NISCH: variants seen among roughly 807,000 people sequenced by gnomAD.
NISCH encodes I-1 receptor candidate protein.
In NISCH, 55 loss-of-function variants were observed where a neutral mutation model predicts 138.4. That is an observed-to-expected ratio of 0.40 (90% CI 0.32 to 0.50). The LOEUF is 0.50. Among genes scored for constraint, NISCH ranks in the 20% least tolerant of loss-of-function variants. The probability of loss-of-function intolerance (pLI) is 0.71; values close to 1 mark genes in which losing one functional copy is unlikely to be tolerated. For missense variants in NISCH, 1,643 were observed against 2,005.5 expected, an observed-to-expected ratio of 0.82 and a Z score of 3.45; for synonymous variants, 860 against 861.5, an observed-to-expected ratio of 1.00 and a Z score of 0.03.
rs368842942 is a variant in NISCH at position 52,488,089 on chromosome 3, G to A, written c.2597G>A (p.Arg866His). 9 of 1,612,720 alleles carry A rather than the reference G, an allele frequency of 5.6e-6. No homozygotes were observed. Among genetic ancestry groups the A allele is most frequent in the African/African-American group, 2.7e-5 (2 of 74,912 alleles). Residue 866 changes from arginine to histidine, a missense_variant, in exon 16 of 21, where the codon CGC becomes CAC. By Grantham distance (29) the Arg-to-His change is conservative. Coordinates refer to ENST00000345716, the MANE Select transcript of NISCH (RefSeq NM_007184.4). ...FPVYLVYSDK[R>H]MVQTAAGDYS... ...GTCTACCTGGTCTACAGTGACAAGCGCATGGTGCAGACGGCCGCCGGGGAC... is the reference window on the plus strand; with the variant it reads ...GTCTACCTGGTCTACAGTGACAAGCACATGGTGCAGACGGCCGCCGGGGAC...
At chr3:52,482,346 G>A (rs543422468) in intron 13 of NISCH, among the ~76,000 whole-genome samples, 8 of 152,328 alleles carry the variant, frequency 5.3e-5, no homozygotes, top group East Asian at 3.9e-4. Context: ...CCAGCCTCCC[G>A]TCGTGGCAGG....
At chr3:52,472,239 G>A in intron 5 of NISCH, 64 bp from the exon 6 acceptor site, 17 of 1,447,922 alleles carry the variant, frequency 1.2e-5, no homozygotes, top group Non-Finnish European at 1.6e-5. Context: ...CTTGTCAGCT[G>A]CTGCAGCACT....
intron 13 of NISCH, 51 bp from the exon 14 acceptor site, chr3:52,484,462 T>TTGCGG: frequency 1.3e-6 from 1 of 788,670 alleles, no homozygotes; most frequent in Non-Finnish European, 1.8e-6. Flanking sequence ...ACAGCCGCTC[T>TTGCGG]CCCCGCCCCA....
At chr3:52,474,275 C>T (rs574678216) in intron 7 of NISCH, among the ~76,000 whole-genome samples, 23 of 150,740 alleles carry the variant, frequency 1.5e-4, no homozygotes, top group South Asian at 6.4e-4. Context: ...CACCATGCCC[C>T]GCTAAGTTTT....
intron 6 of NISCH, among the ~76,000 whole-genome samples, chr3:52,472,971 C>T (rs1706994600): frequency 6.6e-6 from 1 of 152,232 alleles, no homozygotes; most frequent in Admixed American, 6.5e-5. Flanking sequence ...CCCCATGTCT[C>T]CTTGATTGAA....
At chr3:52,491,683 G>T in intron 20 of NISCH, 170 bp downstream of exon 20, 1 of 1,049,006 alleles carries the variant, frequency 9.5e-7, no homozygotes. Flanking sequence ...CACTCCAGCA[G>T]TCCCTCAACC....
At chr3:52,455,767 GT>G in intron 1 of NISCH, 33 bp downstream of exon 1, 1 of 1,323,260 alleles carries the variant, frequency 7.6e-7, no homozygotes, top group Non-Finnish European at 9.8e-7. Context: ...CGAAGCGGGG[GT>G]GGTGGCTGGA....
Position 52,492,049 on chromosome 3 carries a change from C to T in NISCH, c.4082C>T (p.Pro1361Leu), listed in dbSNP as rs1707579494. Residue 1361 changes from proline to leucine, a missense_variant, in exon 21 of 21, where the codon CCT (proline) becomes CTT (leucine). Physicochemically the swap from Pro to Leu is moderately conservative, Grantham distance 98. Coordinates refer to ENST00000345716, the MANE Select transcript of NISCH (RefSeq NM_007184.4). ...VQAFQVGMPP[P>L]GCCRGPLRPK... Reference sequence around the variant, plus strand: ...GCCTTCCAGGTGGGCATGCCACCCCCTGGGTGCTGCAGGGGCCCCCTGCGC... The same window carrying T: ...GCCTTCCAGGTGGGCATGCCACCCCTTGGGTGCTGCAGGGGCCCCCTGCGC... 9 of 1,613,110 alleles carry T rather than the reference C, an allele frequency of 5.6e-6. No homozygotes were observed. Among genetic ancestry groups the T allele is most frequent in the Non-Finnish European group, 7.6e-6 (9 of 1,179,944 alleles).
At chr3:52,490,861 TTTCGGGTGAAGG>T in intron 19 of NISCH, 28 bp downstream of exon 19, 1 of 1,612,898 alleles carries the variant, frequency 6.2e-7, no homozygotes, top group Non-Finnish European at 8.5e-7. Context: ...CTTTGTCCTA[TTTCGGGTGAAGG>T]CCAGCATCAC....
chr3:52,491,296 A>G (rs1320339364), intron 19 of NISCH, 56 bp from the exon 20 acceptor site: 1 of 1,559,924 alleles, frequency 6.4e-7, no homozygotes, highest in Non-Finnish European at 8.7e-7. Context: ...TCTAAGGGGC[A>G]GGGATAGGGC....
intron 6 of NISCH, among the ~76,000 whole-genome samples, chr3:52,473,193 G>A (rs1412805173): frequency 6.6e-6 from 1 of 152,238 alleles, no homozygotes; most frequent in Non-Finnish European, 1.5e-5. Context: ...GGTGTGCCCT[G>A]CTGCCGATTG....
At position 52,480,710 on chromosome 3, in the gene NISCH, A is replaced by G. The variant is rs147487544; in HGVS notation, c.1528+415A>G. ...GGAGCCCGAATCCCTGTGCAGGGAA[A>G]AGCTTGCTTTTATCACTGCCTCATC... On this transcript the variant is annotated intron_variant, in intron 13 of 20. Coordinates refer to ENST00000345716, the MANE Select transcript of NISCH (RefSeq NM_007184.4). 6.4e-4 allele frequency: 906 copies of G among 1,417,712 alleles called. 3 individuals carry two copies. In the African/African-American group the frequency reaches 0.011, roughly 17 times the overall value. 87.8% of individuals were successfully genotyped at this position (1,417,712 alleles called of 1,614,324 possible).
intron 9 of NISCH, chr3:52,477,857 A>G: frequency 1.6e-6 from 1 of 623,650 alleles, no homozygotes; most frequent in South Asian, 1.9e-5. Flanking sequence ...ATGATGATGC[A>G]CCTCCGTCCT....
chr3:52,487,472 A>C lies in NISCH; in HGVS notation c.1980A>C (p.Pro660=). The change falls in exon 16 of 21, where the codon CCA becomes CCC. Residue 660 remains proline, a synonymous_variant. Transcript: ENST00000345716. The surrounding 1 kb of genome is among the most constrained non-coding windows in gnomAD (Gnocchi z 9.1). ...AENRYFEMGP[P]DVEEEEGGGQ... is the part of the protein sequence containing the mutation. ...ACCGCTACTTTGAAATGGGGCCCCCAGACGTGGAGGAGGAGGAGGGAGGAG... is the reference window on the plus strand; with the variant it reads ...ACCGCTACTTTGAAATGGGGCCCCCCGACGTGGAGGAGGAGGAGGGAGGAG... 6.2e-7 allele frequency: 1 copy of C among 1,602,936 alleles called. No individual in the cohort carries two copies. The highest frequency in any genetic ancestry group is 8.5e-7 in the Non-Finnish European group (1 of 1,172,394).
chr3:52,476,541 A>C lies in NISCH; in HGVS notation c.860A>C (p.Gln287Pro). 1 of 1,614,152 alleles carries C rather than the reference A, an allele frequency of 6.2e-7. No homozygotes were observed. The highest frequency in any genetic ancestry group is 8.5e-7 in the Non-Finnish European group (1 of 1,180,002). Residue 287 changes from glutamine to proline, a missense_variant, in exon 8 of 21, where the codon CAG (glutamine) becomes CCG (proline). Transcript: ENST00000345716. Reference protein sequence around the residue: ...GPVTAVIPTWQALTTLDLSHN... With the variant: ...GPVTAVIPTWPALTTLDLSHN... ...GTGACTGCCGTCATCCCCACTTGGC[A>C]GGCATTGACCACGCTTGACCTGAGC...
rs111263270 is a variant in NISCH, at chr3:52,477,554, G to A, written c.919-20G>A. ...GTCCAGCCCCCTACAGTAACATCGG[G>A]TGTTCTTTTCTTTCACAAGAAACTG... On this transcript the variant is annotated intron_variant, in intron 8 of 20. Transcript: ENST00000345716. The A allele has an allele frequency of 7.6e-3, 12,158 of 1,608,300 alleles. 76 individuals carry two copies. Among genetic ancestry groups the A allele is most frequent in the Non-Finnish European group, 9.4e-3 (11,058 of 1,174,648 alleles).
Position 52,491,970 on chromosome 3 carries a change from A to C in NISCH, c.4003A>C (p.Lys1335Gln), listed in dbSNP as rs1423979524. 6.2e-7 allele frequency: 1 copy of C among 1,613,616 alleles called. No individual in the cohort carries two copies. The change falls in exon 21 of 21, where the codon AAG becomes CAG. Residue 1335 changes from lysine to glutamine, a missense_variant. By Grantham distance (53) the Lys-to-Gln change is moderately conservative. Transcript: ENST00000345716. ...GGACCTGACGTTCACTGTGGCCCAAAAGATGGCTGAGCCAGAGAAGGCCCC... is the reference window on the plus strand; with the variant it reads ...GGACCTGACGTTCACTGTGGCCCAACAGATGGCTGAGCCAGAGAAGGCCCC... ...IGDLTFTVAQ[K>Q]MAEPEKAPAL...
chr3:52,464,004 G>A (rs904444465), intron 3 of NISCH, among the ~76,000 whole-genome samples: 3 of 151,654 alleles, frequency 2.0e-5, no homozygotes, highest in Admixed American at 1.3e-4. Context: ...TGAGATTACA[G>A]GTGTGAGCCA....
intron 3 of NISCH, among the ~76,000 whole-genome samples, chr3:52,465,928 GAA>G (rs1312958708): frequency 6.6e-6 from 1 of 152,212 alleles, no homozygotes; most frequent in Non-Finnish European, 1.5e-5. Context: ...GTTCGGGAAA[GAA>G]AAGGAATTCA....
Sources: allele counts gnomAD v4.1 joint callset (sites outside exome capture counted in the v4.1 genomes callset), GRCh38; gene constraint gnomAD v4.1.1; non-coding constraint Gnocchi (gnomAD v3.1); transcripts MANE v1.5; gene names NCBI Gene and HGNC (gene_info 2026-07-23, HGNC 2026-07-21).